The following MED26 variants were observed in gnomAD, a reference collection of about 807,000 sequenced individuals.
The protein encoded by MED26 is mediator complex subunit 26.
Under a neutral mutation model 43.7 loss-of-function variants are expected in MED26, and 7 were observed. That is an observed-to-expected ratio of 0.16 (90% confidence interval 0.09 to 0.30). MED26 has a LOEUF of 0.30. MED26 is among the 10% of genes least tolerant of loss of function. MED26 has a pLI of 1.00. For synonymous variants in MED26, 375 were observed against 371.1 expected (o/e 1.01, Z -0.12); for missense variants, 784 against 840.6 (o/e 0.93, Z 0.83).
At chr19:16,598,356 A>AAG (rs925460950) in intron 1 of MED26, among the ~76,000 whole-genome samples, 4 of 150,064 alleles carry the variant, frequency 2.7e-5, no homozygotes, top group African/African-American at 9.8e-5. Context: ...AAAAAAAAAA[A>AAG]AAAATTACCT....
chr19:16,627,767 G>A, intron 1 of MED26, 105 bp downstream of exon 1: 1 of 752,994 alleles, frequency 1.3e-6, no homozygotes, highest in Non-Finnish European at 1.9e-6. Context: ...AGGGGAGGTG[G>A]GCGCCAGACG....
At chr19:16,611,595 T>C (rs954678229) in intron 1 of MED26, 1 of 152,134 alleles carries the variant, frequency 6.6e-6, no homozygotes, top group Admixed American at 6.5e-5. Flanking sequence ...CCATTCCCCC[T>C]GCCCCAACCA....
At chr19:16,582,542 C>A (rs2086050957) in intron 1 of MED26, among the ~76,000 whole-genome samples, 1 of 152,182 alleles carries the variant, frequency 6.6e-6, no homozygotes, top group Non-Finnish European at 1.5e-5. Context: ...ACCAACTGAC[C>A]CCCCACCCAG....
chr19:16,625,610 G>C (rs1447533930), intron 1 of MED26, among the ~76,000 whole-genome samples: 1 of 150,810 alleles, frequency 6.6e-6, no homozygotes, highest in Admixed American at 6.6e-5. Context: ...GTTCATCATT[G>C]GGCAGGGCAG....
rs1264552825 is a variant in MED26 at position 16,576,837 on chromosome 19, C to T, written c.993G>A (p.Leu331=). Residue 331 remains leucine, a synonymous_variant, in exon 3 of 3, where the codon CTG becomes CTA. Coordinates refer to ENST00000263390, the MANE Select transcript of MED26 (RefSeq NM_004831.5). The surrounding 1 kb of genome is among the most constrained non-coding windows in gnomAD (Gnocchi z 6.8). ...PSTPPVRRLE[L]LPSAESPVCW... is the part of the protein sequence containing the mutation. ...ACACTGGGCTTTCCGCACTGGGCAG[C>T]AGCTCGAGCCGCCGTACGGGGGGTG... 6 of 1,609,780 alleles carry T rather than the reference C, an allele frequency of 3.7e-6. No individual in the cohort carries two copies. Among genetic ancestry groups the T allele is most frequent in the Non-Finnish European group, 5.1e-6 (6 of 1,178,720 alleles).
chr19:16,611,727 G>A (rs1056812470), intron 1 of MED26: 3 of 151,864 alleles, frequency 2.0e-5, no homozygotes, highest in Non-Finnish European at 1.5e-5. Flanking sequence ...TTTCTATAGA[G>A]CCTTCAGAAT....
At position 16,587,890 on chromosome 19, in the gene MED26, A is replaced by G. The variant is rs1277447165; in HGVS notation, c.73-9481T>C. 6.6e-6 allele frequency: 1 copy of G among 152,278 alleles called. No individual in the cohort carries two copies. Among genetic ancestry groups the G allele is most frequent in the Non-Finnish European group, 1.5e-5 (1 of 68,056 alleles). The allele number at this position is 152,278 out of a possible 1,614,324, so 9.4% of individuals were successfully genotyped here. A position where few individuals can be genotyped will look rare whatever the true frequency, so the allele number is the denominator to read the frequency against. The stretch of plus-strand genomic sequence containing the variant: ...GGCTTGGGGCAGAAGTAGGAGCTCC[A>G]TCAGTAGGCATGCCTGACTTCTGCA... On this transcript the variant is annotated intron_variant, in intron 1 of 2. Transcript: ENST00000263390. The surrounding 1 kb of genome is among the most constrained non-coding windows in gnomAD (Gnocchi z 4.9).
At chr19:16,583,737 C>T (rs116715172) in intron 1 of MED26, among the ~76,000 whole-genome samples, 1,752 of 152,256 alleles carry the variant, frequency 0.012, 32 homozygotes, top group African/African-American at 0.041. Context: ...CACTGTCACA[C>T]CGAACACTTT....
In MED26 at chr19:16,586,963, C is replaced by A. The variant is rs1256872987; in HGVS notation, c.73-8554G>T. 1 of 149,776 alleles carries A rather than the reference C, an allele frequency of 6.7e-6. No individual in the cohort carries two copies. The highest frequency in any genetic ancestry group is 6.7e-5 in the Admixed American group (1 of 15,026). 9.3% of individuals were successfully genotyped at this position (149,776 alleles called of 1,614,324 possible). A position where few individuals can be genotyped will look rare whatever the true frequency, so the allele number is the denominator to read the frequency against. On this transcript the variant is annotated intron_variant, in intron 1 of 2. Transcript: ENST00000263390. This position sits in a 1 kb window ranked among gnomAD's most constrained non-coding sequence, Gnocchi z 5.1. ...TGGTCTAGACAGTAATTTACAAAAA[C>A]TACTTAGCTCAAAAGACTGTGGAAG...
chr19:16,578,401 G>A lies in MED26; in HGVS notation c.81C>T (p.Asn27=). The A allele has an allele frequency of 6.2e-7, 1 of 1,614,038 alleles. No individual in the cohort carries two copies. Among genetic ancestry groups the A allele is most frequent in the Non-Finnish European group, 8.5e-7 (1 of 1,179,970 alleles). ...QAIDPQSNIR[N]MVAVLEVISS... Reference sequence around the variant, plus strand: ...AGATGACTTCCAGCACCGCCACCATGTTCCGGATCTGTGGAAATAAAAAGC... The same window carrying A: ...AGATGACTTCCAGCACCGCCACCATATTCCGGATCTGTGGAAATAAAAAGC... Residue 27 remains asparagine (N), a synonymous_variant, in exon 2 of 3, where the codon AAC becomes AAT. Coordinates refer to ENST00000263390, the MANE Select transcript of MED26 (RefSeq NM_004831.5).
At chr19:16,600,402 T>C (rs1051275525) in intron 1 of MED26, among the ~76,000 whole-genome samples, 13 of 152,206 alleles carry the variant, frequency 8.5e-5, no homozygotes, top group African/African-American at 2.9e-4. Flanking sequence ...TCACTGATCG[T>C]TGGGGTGCAG....
At chr19:16,609,823 A>C (rs985364763) in intron 1 of MED26, among the ~76,000 whole-genome samples, 2 of 151,874 alleles carry the variant, frequency 1.3e-5, no homozygotes, top group Non-Finnish European at 2.9e-5. Flanking sequence ...AAGTTTTATC[A>C]CCTTCTTGTG....
chr19:16,577,496 G>A lies in MED26; in HGVS notation c.334C>T (p.Arg112Trp), dbSNP rs750678868. The change falls in exon 3 of 3, where the codon CGG becomes TGG. Residue 112 changes from arginine (R) to tryptophan (W), a missense_variant. Transcript: ENST00000263390. The surrounding 1 kb of genome is among the most constrained non-coding windows in gnomAD (Gnocchi z 8.1). The stretch of plus-strand genomic sequence containing the variant: ...GGGCCAGCCGCCCCCACCTCCGGCC[G>A]GCAGTTGTGTGCGCCCCCGTTGGCA... ...GSANGGAHNC[R>W]PEVGAAGPPR... is the part of the protein sequence containing the mutation. 14 of 1,593,636 alleles carry A rather than the reference G, an allele frequency of 8.8e-6. No homozygotes were observed. The highest frequency in any genetic ancestry group is 4.4e-5 in the South Asian group (4 of 90,348).
chr19:16,623,004 C>T (rs2086258514), intron 1 of MED26, among the ~76,000 whole-genome samples: 1 of 152,162 alleles, frequency 6.6e-6, no homozygotes, highest in Non-Finnish European at 1.5e-5. Context: ...CTGACGTGAC[C>T]ATGGTGCCTT....
At chr19:16,580,525 C>A (rs193281836) in intron 1 of MED26, among the ~76,000 whole-genome samples, 44 of 152,184 alleles carry the variant, frequency 2.9e-4, no homozygotes, top group Non-Finnish European at 6.2e-4. Context: ...CCCGCCACCA[C>A]GCCCAGCTAA....
At chr19:16,627,425 G>A (rs1042486362) in intron 1 of MED26, among the ~76,000 whole-genome samples, 3 of 152,202 alleles carry the variant, frequency 2.0e-5, no homozygotes, top group African/African-American at 4.8e-5. Flanking sequence ...TCACCCAGGA[G>A]GCCAAGACAT....
chr19:16,584,934 G>A (rs2122391217), intron 1 of MED26, among the ~76,000 whole-genome samples: 1 of 152,308 alleles, frequency 6.6e-6, no homozygotes, highest in South Asian at 2.1e-4. Context: ...TGAGCAAATA[G>A]CTGTTTCCAA....
intron 1 of MED26, chr19:16,611,912 G>C (rs2122441279): frequency 6.6e-6 from 1 of 151,942 alleles, no homozygotes; most frequent in East Asian, 2.0e-4. Context: ...CTGCCACCTT[G>C]GCCTCCCAAA....
chr19:16,587,131 C>CA lies in MED26; in HGVS notation c.73-8723dup, dbSNP rs1380771953. ...CTCGCCCACCCCCCAACCCCCAACA[C>CA]ACAGTCGTGTCTGCTGAGGACACAC... On this transcript the variant is annotated intron_variant, in intron 1 of 2. Coordinates refer to ENST00000263390, the MANE Select transcript of MED26 (RefSeq NM_004831.5). The surrounding 1 kb of genome is among the most constrained non-coding windows in gnomAD (Gnocchi z 4.9). 2.0e-5 allele frequency: 3 copies of CA among 151,984 alleles called. No individual in the cohort carries two copies. The highest frequency in any genetic ancestry group is 3.4e-3 in the Middle Eastern group (1 of 296). The allele number at this position is 151,984 out of a possible 1,614,324, so 9.4% of individuals were successfully genotyped here.
Sources: allele counts gnomAD v4.1 joint callset (sites outside exome capture counted in the v4.1 genomes callset), GRCh38; gene constraint gnomAD v4.1.1; non-coding constraint Gnocchi (gnomAD v3.1); transcripts MANE v1.5; gene names NCBI Gene and HGNC (gene_info 2026-07-23, HGNC 2026-07-21).